Variants in DYNC2I1 observed in about 807,000 individuals in gnomAD.
The protein encoded by DYNC2I1 is cytoplasmic dynein 2 intermediate chain 1.
DYNC2I1 carries 89 observed loss-of-function variants against 133.4 expected under a neutral mutation model. That is an observed-to-expected ratio of 0.67 (90% CI 0.56 to 0.80). The LOEUF (loss-of-function observed/expected upper bound fraction) is 0.80, where lower values mean the gene tolerates loss of function less well. Ranked by LOEUF, DYNC2I1 falls within the 30% of genes least tolerant of loss-of-function variation. The pLI is 0.00. For missense variants in DYNC2I1, 1,291 were observed against 1,314.5 expected (o/e 0.98, Z 0.28); for synonymous variants, 504 against 484.3 (o/e 1.04, Z -0.54).
intron 10 of DYNC2I1, 62 bp from the exon 11 acceptor site, chr7:158,905,927 A>AT (rs1251890396): frequency 1.6e-5 from 21 of 1,321,676 alleles, no homozygotes; most frequent in Non-Finnish European, 2.2e-5. Context: ...TACTCCAGAT[A>AT]TTTTTTTGCT....
intron 1 of DYNC2I1, among the ~76,000 whole-genome samples, chr7:158,861,845 C>A (rs565033464): frequency 6.6e-6 from 1 of 152,134 alleles, no homozygotes; most frequent in Non-Finnish European, 1.5e-5. Flanking sequence ...TCTTCGTTAC[C>A]GTTTTCTTCA....
At chr7:158,864,700 C>G (rs985096204) in intron 1 of DYNC2I1, among the ~76,000 whole-genome samples, 1 of 151,706 alleles carries the variant, frequency 6.6e-6, no homozygotes, top group African/African-American at 2.4e-5. Context: ...GAGATGGGGT[C>G]TTGCTGTGTT....
chr7:158,922,295 T>G lies in DYNC2I1; in HGVS notation c.1922-82T>G, dbSNP rs1849178705. 2.8e-6 allele frequency: 4 copies of G among 1,406,870 alleles called. No homozygotes were observed. In the African/African-American group the frequency reaches 5.8e-5, roughly 20 times the overall value. 87.1% of individuals were successfully genotyped at this position (1,406,870 alleles called of 1,614,324 possible). A position where few individuals can be genotyped will look rare whatever the true frequency, so the allele number is the denominator to read the frequency against. ...TGTTTCTTCATGAAGCTGAATTTTTTTTTGAGTATTCGGAAGTGTGTTAAA... is the reference window on the plus strand; with the variant it reads ...TGTTTCTTCATGAAGCTGAATTTTTGTTTGAGTATTCGGAAGTGTGTTAAA... On this transcript the variant is annotated intron_variant, in intron 15 of 24. Coordinates refer to ENST00000407559, the MANE Select transcript of DYNC2I1 (RefSeq NM_018051.5).
chr7:158,914,180 C>A, intron 13 of DYNC2I1, 53 bp from the exon 14 acceptor site: 1 of 1,447,982 alleles, frequency 6.9e-7, no homozygotes, highest in East Asian at 2.4e-5. Context: ...ATGTGTAATG[C>A]ATGATTATTT....
chr7:158,879,631 C>T, intron 4 of DYNC2I1, 53 bp from the exon 5 acceptor site: 1 of 1,503,924 alleles, frequency 6.6e-7, no homozygotes, highest in Non-Finnish European at 8.9e-7. Flanking sequence ...GGAGGGCTGG[C>T]TGCACTCCTA....
Position 158,856,602 on chromosome 7 carries a change from G to C in DYNC2I1, c.-134G>C. The C allele has an allele frequency of 1.1e-6, 1 of 950,954 alleles. No individual in the cohort carries two copies. The highest frequency in any genetic ancestry group is 5.5e-5 in the South Asian group (1 of 18,284). The allele number at this position is 950,954 out of a possible 1,614,324, so 58.9% of individuals were successfully genotyped here. ...GCTGGGCAGTGCTTCTGGGCCCTCTGCTGCTCCTGCTTGTCGGTTGCTAGG... is the reference window on the plus strand; with the variant it reads ...GCTGGGCAGTGCTTCTGGGCCCTCTCCTGCTCCTGCTTGTCGGTTGCTAGG... On this transcript the variant is annotated 5_prime_UTR_variant, in exon 1 of 25. Coordinates refer to ENST00000407559, the MANE Select transcript of DYNC2I1 (RefSeq NM_018051.5).
At chr7:158,883,243 A>T in intron 5 of DYNC2I1, among the ~76,000 whole-genome samples, 2 of 137,370 alleles carry the variant, frequency 1.5e-5, no homozygotes, top group African/African-American at 2.7e-5. Context: ...TTTGAGATTG[A>T]GTCTCACTGT....
At chr7:158,938,069 A>G (rs1563203790) in intron 23 of DYNC2I1, among the ~76,000 whole-genome samples, 1 of 152,262 alleles carries the variant, frequency 6.6e-6, no homozygotes, top group Non-Finnish European at 1.5e-5. Context: ...ATGATAACAG[A>G]AAACTTTCCA....
intron 14 of DYNC2I1, among the ~76,000 whole-genome samples, chr7:158,915,361 A>G (rs1847982431): frequency 8.6e-6 from 1 of 115,840 alleles, no homozygotes; most frequent in Non-Finnish European, 2.0e-5. Context: ...ACGCTGGTTG[A>G]CATTAAGGAT....
At position 158,926,992 on chromosome 7, in the gene DYNC2I1, G is replaced by T. The variant is rs1373568316; in HGVS notation, c.2434G>T (p.Val812Leu). Residue 812 changes from valine to leucine, a missense_variant and splice_region_variant, in exon 20 of 25, where the codon GTG becomes TTG. By Grantham distance (32) the Val-to-Leu change is conservative (BLOSUM62 1). Coordinates refer to ENST00000407559, the MANE Select transcript of DYNC2I1 (RefSeq NM_018051.5). Reference protein sequence around the residue: ...LDESGVLNVWVVVELPKADIA... With the variant: ...LDESGVLNVWLVVELPKADIA... ...TTCATTTTCAATATTCTGTTTTTAG[G>T]TGGTTGTTGAATTACCAAAGGCAGA... The T allele has an allele frequency of 6.3e-7, 1 of 1,599,672 alleles. No homozygotes were observed. The highest frequency in any genetic ancestry group is 8.5e-7 in the Non-Finnish European group (1 of 1,171,352).
chr7:158,942,265 C>T, intron 24 of DYNC2I1, 117 bp downstream of exon 24: 1 of 715,326 alleles, frequency 1.4e-6, no homozygotes, highest in Non-Finnish European at 2.2e-6. Flanking sequence ...AAGATGTGGC[C>T]ATATGTAAAT....
At chr7:158,867,410 A>G (rs761964887) in intron 1 of DYNC2I1, among the ~76,000 whole-genome samples, 6 of 152,224 alleles carry the variant, frequency 3.9e-5, no homozygotes, top group Non-Finnish European at 8.8e-5. Flanking sequence ...GCTGTGGAGC[A>G]GGAGCGGCAC....
the DYNC2I1 span, among the ~76,000 whole-genome samples, chr7:158,850,961 G>A: frequency 6.6e-6 from 1 of 151,522 alleles, no homozygotes; most frequent in South Asian, 2.1e-4. Flanking sequence ...GAGCTGCTTG[G>A]TCGTGAATGA....
At chr7:158,867,406 G>T (rs1343939664) in intron 1 of DYNC2I1, among the ~76,000 whole-genome samples, 2 of 152,228 alleles carry the variant, frequency 1.3e-5, no homozygotes, top group South Asian at 4.1e-4. Context: ...TGCAGCTGTG[G>T]AGCAGGAGCG....
chr7:158,866,584 T>C (rs1255082624), intron 1 of DYNC2I1, among the ~76,000 whole-genome samples: 1 of 152,106 alleles, frequency 6.6e-6, no homozygotes, highest in Admixed American at 6.6e-5. Context: ...CTGTAGGAGT[T>C]AACTTTAAAC....
intron 23 of DYNC2I1, among the ~76,000 whole-genome samples, chr7:158,938,077 C>A (rs912197961): frequency 1.2e-4 from 18 of 152,110 alleles, no homozygotes; most frequent in African/African-American, 4.3e-4. Flanking sequence ...AGAAAACTTT[C>A]CAAAACTTCA....
chr7:158,906,949 AAGG>A (rs1198512571), intron 11 of DYNC2I1, among the ~76,000 whole-genome samples: 1 of 152,140 alleles, frequency 6.6e-6, no homozygotes, highest in Non-Finnish European at 1.5e-5. Flanking sequence ...GAGCCTGAGC[AAGG>A]AGGAGTTCAA....
At chr7:158,916,008 A>G in intron 14 of DYNC2I1, among the ~76,000 whole-genome samples, 1 of 106,740 alleles carries the variant, frequency 9.4e-6, no homozygotes, top group Non-Finnish European at 2.1e-5. Context: ...GGTTGACATT[A>G]AGGATGATTG....
rs879324840 is a variant in DYNC2I1, at chr7:158,916,935, TCTACA to T, written c.1792-1803_1792-1799del. On this transcript the variant is annotated intron_variant, in intron 14 of 24. Transcript: ENST00000407559. The stretch of plus-strand genomic sequence containing the variant: ...TGAGATTAAGGATGATTGTGAAACG[TCTACA>T]CGCTGGTTGACATTAAGGATGATTG... Among the ~76,000 whole-genome samples the T allele has an allele frequency of 7.3e-4, 59 of 80,732 alleles. 6 individuals are homozygous for T. Among genetic ancestry groups the T allele is most frequent in the South Asian group, 2.8e-3 (8 of 2,842 alleles). The allele number at this position is 80,732 out of a possible 152,430, so 53.0% of individuals were successfully genotyped here.
Sources: gnomAD v4.1 joint callset for allele counts (sites outside exome capture counted in the v4.1 genomes callset) on GRCh38, gnomAD v4.1.1 for gene constraint, MANE v1.5 for transcripts, NCBI Gene and HGNC (gene_info 2026-07-23, HGNC 2026-07-21) for gene names.